The following LGR4 variants were observed in gnomAD, a reference collection of about 807,000 sequenced individuals.
LGR4 encodes the protein leucine rich repeat containing G protein-coupled receptor 4.
A neutral mutation model predicts 84.8 loss-of-function variants in LGR4; 44 were observed. The observed-to-expected ratio is 0.52, with a 90% confidence interval of 0.41 to 0.67. LGR4 has a LOEUF of 0.67. Among genes scored for constraint, LGR4 ranks in the 30% least tolerant of loss-of-function variants. The pLI, the probability that LGR4 is intolerant of heterozygous loss-of-function variation, is 0.00. For synonymous variants in LGR4, 429 were observed against 434.3 expected (o/e 0.99, Z 0.15); for missense variants, 1,032 against 1,131.4 (o/e 0.91, Z 1.26).
intron 1 of LGR4, among the ~76,000 whole-genome samples, chr11:27,421,240 C>T (rs552448500): frequency 3.3e-5 from 5 of 152,278 alleles, no homozygotes; most frequent in African/African-American, 7.2e-5. Context: ...ATCATGATTA[C>T]TCCTACTTTG....
intron 1 of LGR4, among the ~76,000 whole-genome samples, chr11:27,466,974 C>T (rs1352150634): frequency 1.3e-5 from 2 of 151,798 alleles, no homozygotes; most frequent in African/African-American, 4.8e-5. Flanking sequence ...TAAGTAGAGA[C>T]GGGGTTTCAC....
At chr11:27,435,287 T>A (rs144800775) in intron 1 of LGR4, among the ~76,000 whole-genome samples, 1 of 151,594 alleles carries the variant, frequency 6.6e-6, no homozygotes, top group Non-Finnish European at 1.5e-5. Context: ...GAGCTGAGAT[T>A]ACACCACTAT....
chr11:27,373,298 TATTAAA>T (rs1212934410), intron 15 of LGR4: 4 of 302,858 alleles, frequency 1.3e-5, no homozygotes, highest in Non-Finnish European at 1.8e-5. Context: ...AAGTCCACTG[TATTAAA>T]AAACCATTCT....
In LGR4 at chr11:27,380,911, G is replaced by A. The variant is rs779682678; in HGVS notation, c.814C>T (p.Pro272Ser). Residue 272 changes from proline to serine, a missense_variant, in exon 8 of 18, where the codon CCA becomes TCA. Pro to Ser is a moderately conservative substitution (Grantham distance 74). Transcript: ENST00000379214. Reference sequence around the variant, plus strand: ...AATACTTACATAGTTCTTAAGAGTGGATTACCATCAAATGCTCCATCAGGG... The same window carrying A: ...AATACTTACATAGTTCTTAAGAGTGAATTACCATCAAATGCTCCATCAGGG... Reference protein sequence around the residue: ...VIPDGAFDGNPLLRTIHLYDN... With the variant: ...VIPDGAFDGNSLLRTIHLYDN... The A allele has an allele frequency of 3.2e-6, 5 of 1,549,188 alleles. No homozygotes were observed. In the African/African-American group the frequency reaches 6.8e-5, roughly 21 times the overall value.
At chr11:27,407,967 A>G (rs1182472138) in intron 2 of LGR4, among the ~76,000 whole-genome samples, 1 of 152,140 alleles carries the variant, frequency 6.6e-6, no homozygotes, top group Non-Finnish European at 1.5e-5. Flanking sequence ...GTATATGAAA[A>G]ATTATGCTTG....
intron 4 of LGR4, among the ~76,000 whole-genome samples, 165 bp downstream of exon 4, chr11:27,390,929 C>T (rs1350173636): frequency 4.6e-5 from 7 of 152,176 alleles, no homozygotes; most frequent in Admixed American, 4.6e-4. Flanking sequence ...ACAGAACCAC[C>T]TCCTTCTCCC....
chr11:27,367,571 T>C lies in LGR4; in HGVS notation c.*296A>G, dbSNP rs1862790836. The C allele has an allele frequency of 4.4e-6, 1 of 228,622 alleles. No individual in the cohort carries two copies. Among genetic ancestry groups the C allele is most frequent in the African/African-American group, 2.3e-5 (1 of 44,264 alleles). The allele number at this position is 228,622 out of a possible 1,614,324, so 14.2% of individuals were successfully genotyped here. On this transcript the variant is annotated 3_prime_UTR_variant, in exon 18 of 18. Transcript: ENST00000379214. ...CAAATAGGTATAAATTTGCTTCTTA[T>C]GGATCAGAAAAAACTAACATTATAT... is the stretch of plus-strand genomic sequence containing the variant.
rs1863076854 is a variant in LGR4 at position 27,380,729 on chromosome 11, A to G, written c.831-18T>C. ...ACAAATGTCTGTGAAAATATCCAAA[A>G]AAAGTAAAATTTTCATATGTTCACA... On this transcript the variant is annotated intron_variant, in intron 8 of 17. Coordinates refer to ENST00000379214, the MANE Select transcript of LGR4 (RefSeq NM_018490.5). 4 of 1,558,392 alleles carry G rather than the reference A, an allele frequency of 2.6e-6. No homozygotes were observed. In the Middle Eastern group the frequency reaches 5.1e-4, roughly 199 times the overall value.
At chr11:27,455,858 C>T (rs1864565596) in intron 1 of LGR4, among the ~76,000 whole-genome samples, 1 of 152,214 alleles carries the variant, frequency 6.6e-6, no homozygotes, top group African/African-American at 2.4e-5. Flanking sequence ...TAAGTCCTCA[C>T]TTGCCATGGT....
At chr11:27,452,917 G>T (rs1212052157) in intron 1 of LGR4, among the ~76,000 whole-genome samples, 1 of 151,330 alleles carries the variant, frequency 6.6e-6, no homozygotes, top group Non-Finnish European at 1.5e-5. Flanking sequence ...GTATACTTCT[G>T]TGTAATAGCC....
intron 1 of LGR4, among the ~76,000 whole-genome samples, chr11:27,458,363 C>G (rs1423462357): frequency 2.6e-5 from 4 of 151,844 alleles, no homozygotes; most frequent in Non-Finnish European, 5.9e-5. Flanking sequence ...TACAGAGAGG[C>G]ATGGAAATTC....
intron 4 of LGR4, among the ~76,000 whole-genome samples, chr11:27,390,705 A>C (rs1381569284): frequency 3.3e-5 from 5 of 152,188 alleles, no homozygotes; most frequent in Non-Finnish European, 7.3e-5. Flanking sequence ...GAGGAATTAC[A>C]ATCGATTTGT....
At position 27,380,282 on chromosome 11, in the gene LGR4, G is replaced by C. The variant is rs1199783981; in HGVS notation, c.960C>G (p.His320Gln). The change falls in exon 10 of 18, where the codon CAC becomes CAG. Residue 320 changes from histidine to glutamine, a missense_variant. By Grantham distance (24) the His-to-Gln change is conservative. Transcript: ENST00000379214. ...QQFPNLTGTV[H>Q]LESLTLTGTK... is the part of the protein sequence containing the mutation. ...AGGGCCTTACTTACAGACTTTCCAGGTGGACAGTTCCTGTAAGATTGGGGA... is the reference window on the plus strand; with the variant it reads ...AGGGCCTTACTTACAGACTTTCCAGCTGGACAGTTCCTGTAAGATTGGGGA... The C allele has an allele frequency of 6.2e-7, 1 of 1,607,782 alleles. No homozygotes were observed.
At chr11:27,384,288 A>T in intron 6 of LGR4, 48 bp downstream of exon 6, 1 of 1,226,518 alleles carries the variant, frequency 8.2e-7, no homozygotes, top group Non-Finnish European at 1.2e-6. Flanking sequence ...GTATAAAATT[A>T]TACTTTCAAT....
At chr11:27,447,607 G>T (rs990776288) in intron 1 of LGR4, among the ~76,000 whole-genome samples, 3 of 152,122 alleles carry the variant, frequency 2.0e-5, no homozygotes, top group African/African-American at 4.8e-5. Flanking sequence ...AACCCTTGGG[G>T]TTGCTCTGCC....
chr11:27,442,459 T>C (rs1208218920), intron 1 of LGR4, among the ~76,000 whole-genome samples: 3 of 152,226 alleles, frequency 2.0e-5, no homozygotes, highest in Non-Finnish European at 4.4e-5. Context: ...TTTACAATTT[T>C]AGGGGCCTCA....
chr11:27,413,954 C>T (rs753113479), intron 1 of LGR4, among the ~76,000 whole-genome samples: 1 of 152,088 alleles, frequency 6.6e-6, no homozygotes, highest in Non-Finnish European at 1.5e-5. Context: ...ATGGAATCTA[C>T]ATCCTTTCTT....
In LGR4 at chr11:27,366,659, G is replaced by A. The variant is rs1423512760; in HGVS notation, c.*1208C>T. The A allele has an allele frequency of 6.6e-6, 1 of 152,472 alleles. No individual in the cohort carries two copies. The allele number at this position is 152,472 out of a possible 1,614,324, so 9.4% of individuals were successfully genotyped here. A position where few individuals can be genotyped will look rare whatever the true frequency, so the allele number is the denominator to read the frequency against. Reference sequence around the variant, plus strand: ...TAATAGGTCTAAAGCCCATAGATGGGAATCAAGTAAAATTTTTAATTTTTA... The same window carrying A: ...TAATAGGTCTAAAGCCCATAGATGGAAATCAAGTAAAATTTTTAATTTTTA... On this transcript the variant is annotated 3_prime_UTR_variant, in exon 18 of 18. Transcript: ENST00000379214.
Position 27,472,223 on chromosome 11 carries a change from GGCGGCGCCGCGCCGCT to G in LGR4, c.64_79del (p.Ser22LeufsTer22). ...GCAGCTGCAGGGCGCCGCGCAGAGA[GGCGGCGCCGCGCCGCT>G]GGGCCCGGCCGAGCCGAGCAGCCCC... On this transcript the variant is annotated frameshift_variant, in exon 1 of 18. Coordinates refer to ENST00000379214, the MANE Select transcript of LGR4 (RefSeq NM_018490.5). LOFTEE classifies it high-confidence loss of function. 7.4e-7 allele frequency: 1 copy of G among 1,357,188 alleles called. No homozygotes were observed. The highest frequency in any genetic ancestry group is 9.5e-7 in the Non-Finnish European group (1 of 1,056,490). 84.1% of individuals were successfully genotyped at this position (1,357,188 alleles called of 1,614,324 possible).
Sources: allele counts gnomAD v4.1 joint callset (sites outside exome capture counted in the v4.1 genomes callset), GRCh38; gene constraint gnomAD v4.1.1; transcripts MANE v1.5; gene names NCBI Gene and HGNC (gene_info 2026-07-23, HGNC 2026-07-21).